TMEM132C: variants seen among roughly 807,000 people sequenced by gnomAD.
TMEM132C encodes protein phosphatase 1, regulatory subunit 152.
A neutral mutation model predicts 61.4 loss-of-function variants in TMEM132C; 29 were observed. The ratio of observed to expected loss-of-function variants is 0.47; its 90% CI spans 0.35 to 0.64. The LOEUF is 0.64. Ranked by LOEUF, TMEM132C falls within the 30% of genes least tolerant of loss-of-function variation. The pLI is 0.00. For synonymous variants in TMEM132C, 656 were observed against 633.1 expected (o/e 1.04, Z -0.54); for missense variants, 1,408 against 1,476.9 (o/e 0.95, Z 0.76).
chr12:128,586,840 C>T (rs575992070), intron 3 of TMEM132C, among the ~76,000 whole-genome samples: 1 of 152,344 alleles, frequency 6.6e-6, no homozygotes, highest in East Asian at 1.9e-4. Flanking sequence ...CAAAAGCCCT[C>T]CCTGCTGCCT....
chr12:128,525,013 A>G (rs891272013), intron 2 of TMEM132C, among the ~76,000 whole-genome samples: 1 of 152,190 alleles, frequency 6.6e-6, no homozygotes, highest in African/African-American at 2.4e-5. Context: ...TCCCGCCAGG[A>G]TAACGGATGA....
chr12:128,336,860 A>G (rs1418448514), intron 1 of TMEM132C, among the ~76,000 whole-genome samples: 1 of 152,198 alleles, frequency 6.6e-6, no homozygotes, highest in Non-Finnish European at 1.5e-5. Context: ...GCAAGGCAAG[A>G]GAGGCTTCCT....
intron 2 of TMEM132C, among the ~76,000 whole-genome samples, chr12:128,475,159 A>G (rs1424828808): frequency 6.6e-6 from 1 of 152,164 alleles, no homozygotes; most frequent in Non-Finnish European, 1.5e-5. Context: ...CACCACTAGC[A>G]GGTGGGGAGG....
intron 2 of TMEM132C, among the ~76,000 whole-genome samples, chr12:128,470,102 T>G (rs1181235954): frequency 6.6e-6 from 1 of 152,206 alleles, no homozygotes; most frequent in Non-Finnish European, 1.5e-5. Flanking sequence ...ACCACTGATT[T>G]GAAGTTTCCT....
chr12:128,643,274 T>TCTC (rs2135600804), intron 4 of TMEM132C, among the ~76,000 whole-genome samples: 1 of 152,240 alleles, frequency 6.6e-6, no homozygotes, highest in Admixed American at 6.5e-5. Flanking sequence ...CTGGAAAATG[T>TCTC]CTCCACTAAT....
Position 128,561,290 on chromosome 12 carries a change from A to G in TMEM132C, c.1121+17187A>G, listed in dbSNP as rs552036971. Among the ~76,000 whole-genome samples the G allele has an allele frequency of 6.6e-4, 100 of 152,382 alleles. 1 individual carries two copies. Among genetic ancestry groups the G allele is most frequent in the African/African-American group, 2.2e-3 (93 of 41,596 alleles). On this transcript the variant is annotated intron_variant, in intron 3 of 8. Transcript: ENST00000435159. ...TGCCCAAGCTTGAAATTTGCTAATC[A>G]TAAGGAAATATAGAGCTTCTTCATC...
chr12:128,612,903 G>A (rs766850962), intron 3 of TMEM132C, among the ~76,000 whole-genome samples: 1 of 152,182 alleles, frequency 6.6e-6, no homozygotes, highest in Non-Finnish European at 1.5e-5. Flanking sequence ...TGGAGCATGA[G>A]AAGTTGTGCT....
At position 128,267,299 on chromosome 12, in the gene TMEM132C, C is replaced by A; in HGVS notation, c.-104C>A. 1 of 735,850 alleles carries A rather than the reference C, an allele frequency of 1.4e-6. No individual in the cohort carries two copies. The highest frequency in any genetic ancestry group is 1.7e-6 in the Non-Finnish European group (1 of 603,814). The allele number at this position is 735,850 out of a possible 1,614,324, so 45.6% of individuals were successfully genotyped here. A position where few individuals can be genotyped will look rare whatever the true frequency, so the allele number is the denominator to read the frequency against. On this transcript the variant is annotated 5_prime_UTR_variant, in exon 1 of 9. Transcript: ENST00000435159. ...GCAGAGACGCAGCGGGCCCGGCCGACCGGGCTGCGGGAGTGGCCCCGGGCA... is the reference window on the plus strand; with the variant it reads ...GCAGAGACGCAGCGGGCCCGGCCGAACGGGCTGCGGGAGTGGCCCCGGGCA...
chr12:128,581,636 G>T (rs1875337937), intron 3 of TMEM132C, among the ~76,000 whole-genome samples: 1 of 152,210 alleles, frequency 6.6e-6, no homozygotes, highest in African/African-American at 2.4e-5. Context: ...GACCCAGCTG[G>T]AGTGCGTTTC....
chr12:128,612,040 G>A (rs573679218), intron 3 of TMEM132C, among the ~76,000 whole-genome samples: 5 of 152,316 alleles, frequency 3.3e-5, no homozygotes, highest in African/African-American at 9.6e-5. Flanking sequence ...AGAAGGGGTA[G>A]GAAAGAATAT....
intron 1 of TMEM132C, among the ~76,000 whole-genome samples, chr12:128,379,287 G>A (rs1225417024): frequency 6.6e-6 from 1 of 152,164 alleles, no homozygotes; most frequent in African/African-American, 2.4e-5. Context: ...GGGTAATGTT[G>A]GTGCAGATTA....
chr12:128,617,294 C>T (rs982635929), intron 4 of TMEM132C, among the ~76,000 whole-genome samples: 2 of 152,186 alleles, frequency 1.3e-5, no homozygotes, highest in African/African-American at 4.8e-5. Context: ...TTGTTAGTCA[C>T]AAGGTGGCCC....
chr12:128,664,217 T>A (rs879530259), intron 4 of TMEM132C, among the ~76,000 whole-genome samples: 38,319 of 150,658 alleles, frequency 0.25, 6,268 homozygotes, highest in African/African-American at 0.48. Context: ...CACACATGCC[T>A]GTGTGTGTTC....
chr12:128,405,379 G>A (rs1035541001), intron 1 of TMEM132C, among the ~76,000 whole-genome samples: 8 of 152,192 alleles, frequency 5.3e-5, no homozygotes, highest in Non-Finnish European at 1.2e-4. Context: ...GCACAGGTTC[G>A]TCGAGGAGTC....
rs190336072 is a variant in TMEM132C at position 128,353,020 on chromosome 12, A to G, written c.86-61712A>G. ...TCCAGAGAACATAGCCAGGCATCCT[A>G]TTTCTGTCCCATACTTGGCTATTCT... On this transcript the variant is annotated intron_variant, in intron 1 of 8. Transcript: ENST00000435159. 3.3e-5 allele frequency among the ~76,000 whole-genome samples: 5 copies of G among 152,278 alleles called. No individual in the cohort carries two copies. The East Asian group carries it at 9.6e-4, about 29-fold the overall frequency.
chr12:128,534,751 C>G (rs1485840257), intron 2 of TMEM132C, among the ~76,000 whole-genome samples: 1 of 152,226 alleles, frequency 6.6e-6, no homozygotes, highest in Non-Finnish European at 1.5e-5. Context: ...GGAATATCCA[C>G]TGCTCTTATC....
intron 2 of TMEM132C, among the ~76,000 whole-genome samples, chr12:128,479,080 T>C (rs1389991244): frequency 6.6e-6 from 1 of 152,174 alleles, no homozygotes; most frequent in African/African-American, 2.4e-5. Context: ...TGGATGGAGC[T>C]GGAGCCCATC....
chr12:128,511,829 A>G (rs1872575435), intron 2 of TMEM132C, among the ~76,000 whole-genome samples: 1 of 152,180 alleles, frequency 6.6e-6, no homozygotes, highest in Non-Finnish European at 1.5e-5. Flanking sequence ...CTACTGCTAC[A>G]GTCTGGCTGG....
intron 1 of TMEM132C, among the ~76,000 whole-genome samples, chr12:128,369,657 C>CA (rs1873971046): frequency 6.6e-6 from 1 of 152,204 alleles, no homozygotes; most frequent in African/African-American, 2.4e-5. Context: ...AGTTATCACT[C>CA]AAAATGATTG....
Sources: gnomAD v4.1 joint callset for allele counts (sites outside exome capture counted in the v4.1 genomes callset) on GRCh38, gnomAD v4.1.1 for gene constraint, MANE v1.5 for transcripts, NCBI Gene and HGNC (gene_info 2026-07-23, HGNC 2026-07-21) for gene names.